Variants in UMODL1 observed in about 807,000 individuals in gnomAD.
UMODL1 encodes uromodulin-like 1.
A neutral mutation model predicts 136.3 loss-of-function variants in UMODL1; 128 were observed. The ratio of observed to expected loss-of-function variants is 0.94; its 90% confidence interval spans 0.81 to 1.09. UMODL1 has a LOEUF of 1.09. UMODL1 is among the 50% of genes least tolerant of loss of function. The pLI is 0.00. For synonymous variants in UMODL1, 721 were observed against 720.0 expected, an observed-to-expected ratio of 1.00 and a Z score of -0.02; for missense variants, 1,766 against 1,725.6, an observed-to-expected ratio of 1.02 and a Z score of -0.41.
chr21:42,122,201 C>G lies in UMODL1; in HGVS notation c.2828-630C>G, dbSNP rs918877749. ...CACTGCTGAAGGAGGGTGGAGGGCA[C>G]GTGCGGAGCTGTGTCTGGGGTCTGC... On this transcript the variant is annotated intron_variant, in intron 16 of 22. Transcript: ENST00000408910. This position sits in a 1 kb window ranked among gnomAD's most constrained non-coding sequence, Gnocchi z 4.3. 6.6e-6 allele frequency among the ~76,000 whole-genome samples: 1 copy of G among 152,086 alleles called. No individual in the cohort carries two copies. The highest frequency in any genetic ancestry group is 2.1e-4 in the South Asian group (1 of 4,814).
chr21:42,142,033 T>C (rs2067289206), intron 22 of UMODL1, 63 bp from the exon 23 acceptor site: 1 of 152,186 alleles, frequency 6.6e-6, no homozygotes, highest in Non-Finnish European at 1.5e-5. Context: ...TCCTGGGGTT[T>C]TCTGTATTAA....
intron 6 of UMODL1, chr21:42,094,008 A>C: frequency 9.0e-6 from 4 of 445,310 alleles, no homozygotes; most frequent in Non-Finnish European, 4.5e-6. Flanking sequence ...TCGTGAGCAC[A>C]GAAGGTTGGA....
intron 4 of UMODL1, among the ~76,000 whole-genome samples, chr21:42,087,375 C>T (rs2066438333): frequency 6.6e-6 from 1 of 152,182 alleles, no homozygotes; most frequent in South Asian, 2.1e-4. Flanking sequence ...CCTGCTCTCC[C>T]CAAACCTCCT....
chr21:42,085,324 A>G lies in UMODL1; in HGVS notation c.515A>G (p.Asn172Ser), dbSNP rs201194093. The G allele has an allele frequency of 6.2e-7, 1 of 1,614,022 alleles. No individual in the cohort carries two copies. Among genetic ancestry groups the G allele is most frequent in the African/African-American group, 1.3e-5 (1 of 75,016 alleles). Reference protein sequence around the residue: ...PERDPVGSWYNVTILVKMDFK... With the variant: ...PERDPVGSWYSVTILVKMDFK... ...AGGGACCCTGTGGGCTCCTGGTACA[A>G]CGTCACCATACTGGTGAAAATGGAC... The change falls in exon 4 of 23, where the codon AAC (asparagine) becomes AGC (serine). Residue 172 changes from asparagine (N) to serine (S), a missense_variant. Coordinates refer to ENST00000408910, the MANE Select transcript of UMODL1 (RefSeq NM_001004416.3). This position sits in a 1 kb window ranked among gnomAD's most constrained non-coding sequence, Gnocchi z 4.5.
intron 9 of UMODL1, among the ~76,000 whole-genome samples, chr21:42,109,083 C>T (rs1489067737): frequency 1.5e-5 from 2 of 136,508 alleles, no homozygotes; most frequent in African/African-American, 5.6e-5. Flanking sequence ...TCCGCTGGAC[C>T]CCCACCCCCG....
rs917021485 is a variant in UMODL1 at position 42,085,074 on chromosome 21, G to A, written c.482-217G>A. The stretch of plus-strand genomic sequence containing the variant: ...CCCAGCTCACCTCTGAGCAGGGATC[G>A]GTGGTCTTCAGGGACATTAGGATGG... On this transcript the variant is annotated intron_variant, in intron 3 of 22. Coordinates refer to ENST00000408910, the MANE Select transcript of UMODL1 (RefSeq NM_001004416.3). This position sits in a 1 kb window ranked among gnomAD's most constrained non-coding sequence, Gnocchi z 4.5. 2.6e-5 allele frequency among the ~76,000 whole-genome samples: 4 copies of A among 152,066 alleles called. No homozygotes were observed. The highest frequency in any genetic ancestry group is 4.8e-5 in the African/African-American group (2 of 41,380).
Position 42,129,721 on chromosome 21 carries a change from TA to T in UMODL1, c.3701del (p.Asn1234ThrfsTer58), listed in dbSNP as rs748809891. The T allele has an allele frequency of 6.4e-7, 1 of 1,572,356 alleles. No individual in the cohort carries two copies. The highest frequency in any genetic ancestry group is 1.2e-5 in the South Asian group (1 of 82,466). On this transcript the variant is annotated frameshift_variant, in exon 21 of 23. Transcript: ENST00000408910. LOFTEE classifies it high-confidence loss of function. ...TGGAAAAAAAAAAACAGAATTGCAA[TA>T]ACTTTCGGTTGCTGCAAAATAGTGA... ...PGATCKINCNNFRLLQNSETS... is the reference protein window; with the variant it reads ...PGATCKINCNXFRLLQNSETS...
chr21:42,121,362 G>A (rs1413100932), intron 16 of UMODL1, 138 bp downstream of exon 16: 1 of 964,918 alleles, frequency 1.0e-6, no homozygotes, highest in Non-Finnish European at 1.5e-6. Flanking sequence ...GTGTGATGTG[G>A]GTGCACGTGT....
At chr21:42,117,450 G>A (rs1253597591) in intron 14 of UMODL1, among the ~76,000 whole-genome samples, 2 of 152,180 alleles carry the variant, frequency 1.3e-5, no homozygotes, top group African/African-American at 4.8e-5. Context: ...CATCCCCTCA[G>A]CATTCTCCAG....
At chr21:42,086,149 C>T (rs2066424412) in intron 4 of UMODL1, among the ~76,000 whole-genome samples, 1 of 152,238 alleles carries the variant, frequency 6.6e-6, no homozygotes, top group African/African-American at 2.4e-5. Context: ...AGGCCGCCCT[C>T]CCTGGGGGAT....
At chr21:42,086,787 G>A (rs555647868) in intron 4 of UMODL1, among the ~76,000 whole-genome samples, 5 of 152,338 alleles carry the variant, frequency 3.3e-5, no homozygotes, top group South Asian at 4.1e-4. Flanking sequence ...CCAACATGGC[G>A]AAACCCTGTC....
chr21:42,076,188 C>G lies in UMODL1; in HGVS notation c.260C>G (p.Ser87Cys). 1 of 1,614,236 alleles carries G rather than the reference C, an allele frequency of 6.2e-7. No individual in the cohort carries two copies. The highest frequency in any genetic ancestry group is 8.5e-7 in the Non-Finnish European group (1 of 1,180,048). Residue 87 changes from serine (S) to cysteine (C), a missense_variant, in exon 2 of 23, where the codon TCC becomes TGC. Transcript: ENST00000408910. The part of the protein sequence containing the change: ...TQYLVVEVPE[S>C]RNVTDCCEGY... Reference sequence around the variant, plus strand: ...TACCTGGTAGTGGAGGTCCCCGAGTCCAGGAACGTGACTGACTGCTGTGAG... The same window carrying G: ...TACCTGGTAGTGGAGGTCCCCGAGTGCAGGAACGTGACTGACTGCTGTGAG...
At position 42,127,153 on chromosome 21, in the gene UMODL1, A is replaced by G. The variant is rs540941349; in HGVS notation, c.3441A>G (p.Lys1147=). ...TCGAAGTGGGGCTCTACAGGCAGAA[A>G]AGCAACCTCAAGGTGGTCCTGACGG... ...VRIEVGLYRQ[K]SNLKVVLTEC... is the part of the protein sequence containing the mutation. Residue 1147 remains lysine (K), a synonymous_variant, in exon 19 of 23, where the codon AAA becomes AAG. Transcript: ENST00000408910. The G allele has an allele frequency of 9.9e-6, 16 of 1,614,152 alleles. No individual in the cohort carries two copies. The highest frequency in any genetic ancestry group is 3.3e-5 in the Admixed American group (2 of 60,016).
At chr21:42,088,060 T>G (rs544783418) in intron 4 of UMODL1, among the ~76,000 whole-genome samples, 1 of 152,298 alleles carries the variant, frequency 6.6e-6, no homozygotes, top group South Asian at 2.1e-4. Context: ...CATATGGATT[T>G]TAGGGGACAG....
chr21:42,110,302 G>A (rs1375371560), intron 10 of UMODL1, among the ~76,000 whole-genome samples: 1 of 152,240 alleles, frequency 6.6e-6, no homozygotes, highest in African/African-American at 2.4e-5. Flanking sequence ...CCCGGACACA[G>A]GCGTGGCAGA....
chr21:42,108,872 C>T (rs1453483670), intron 9 of UMODL1, among the ~76,000 whole-genome samples: 1 of 151,062 alleles, frequency 6.6e-6, no homozygotes, highest in Non-Finnish European at 1.5e-5. Context: ...CTGGACCCCA[C>T]CCCCGGCGTG....
At chr21:42,064,133 G>T (rs1057495018) in intron 1 of UMODL1, among the ~76,000 whole-genome samples, 1 of 152,172 alleles carries the variant, frequency 6.6e-6, no homozygotes, top group Non-Finnish European at 1.5e-5. Flanking sequence ...GATCCCTGGC[G>T]TTCTCCGTTG....
chr21:42,132,490 G>A (rs220167), intron 21 of UMODL1, among the ~76,000 whole-genome samples: 31,379 of 149,780 alleles, frequency 0.21, 3,430 homozygotes, highest in Middle Eastern at 0.29. Context: ...TCATCCATTC[G>A]TCCATCTATC....
At chr21:42,091,102 C>A (rs190447466) in intron 6 of UMODL1, among the ~76,000 whole-genome samples, 48 of 152,346 alleles carry the variant, frequency 3.2e-4, no homozygotes, top group African/African-American at 1.1e-3. Context: ...CATTATTGAT[C>A]TCCTAGTGGG....
Sources: allele counts gnomAD v4.1 joint callset (sites outside exome capture counted in the v4.1 genomes callset), GRCh38; gene constraint gnomAD v4.1.1; non-coding constraint Gnocchi (gnomAD v3.1); transcripts MANE v1.5; gene names NCBI Gene and HGNC (gene_info 2026-07-23, HGNC 2026-07-21).